The following VRK3 variants were observed in gnomAD, a reference collection of about 807,000 sequenced individuals.
VRK3 encodes the protein VRK serine/threonine kinase 3.
Under a neutral mutation model 60.4 loss-of-function variants are expected in VRK3, and 50 were observed. The ratio of observed to expected loss-of-function variants is 0.83; its 90% CI spans 0.66 to 1.05. VRK3 has a LOEUF of 1.05. Among genes scored for constraint, VRK3 ranks in the 50% least tolerant of loss-of-function variants. The probability of loss-of-function intolerance (pLI) is 0.00; values close to 1 mark genes in which losing one functional copy is unlikely to be tolerated. For synonymous variants in VRK3, 246 were observed against 227.8 expected (o/e 1.08, Z -0.72); for missense variants, 549 against 585.3 (o/e 0.94, Z 0.64).
At chr19:49,992,205 C>T (rs1338025920) in intron 10 of VRK3, among the ~76,000 whole-genome samples, 2 of 152,112 alleles carry the variant, frequency 1.3e-5, no homozygotes, top group Non-Finnish European at 2.9e-5. Flanking sequence ...GTCAGGAGTT[C>T]GAGGCCAGCC....
At position 49,997,572 on chromosome 19, in the gene VRK3, T is replaced by C; in HGVS notation, c.613-2A>G. 6.2e-7 allele frequency: 1 copy of C among 1,613,920 alleles called. No individual in the cohort carries two copies. The highest frequency in any genetic ancestry group is 8.5e-7 in the Non-Finnish European group (1 of 1,179,886). ...GAACAAGCGCCCATCCTTGGCATCCTGGTGGGGGACAGGAGGGGCAGAAGG... is the reference window on the plus strand; with the variant it reads ...GAACAAGCGCCCATCCTTGGCATCCCGGTGGGGGACAGGAGGGGCAGAAGG... On this transcript the variant is annotated splice_acceptor_variant, in intron 6 of 14. Coordinates refer to ENST00000316763, the MANE Select transcript of VRK3 (RefSeq NM_016440.4). LOFTEE classifies it high-confidence loss of function.
intron 6 of VRK3, 125 bp downstream of exon 6, chr19:50,000,662 ACTC>A: frequency 9.0e-7 from 1 of 1,111,538 alleles, no homozygotes; most frequent in South Asian, 1.4e-5. Context: ...CGGTCTTAAT[ACTC>A]CTTGCAGGTG....
chr19:49,987,693 C>G (rs982775489), intron 12 of VRK3: 2 of 140,750 alleles, frequency 1.4e-5, no homozygotes, highest in Admixed American at 1.4e-4. Context: ...TTCCCACACA[C>G]AATGAGCTTT....
chr19:49,992,168 G>A (rs2076622894), intron 10 of VRK3, among the ~76,000 whole-genome samples: 1 of 152,192 alleles, frequency 6.6e-6, no homozygotes, highest in Non-Finnish European at 1.5e-5. Context: ...AGCACCTTGG[G>A]AGGCAAAGGC....
intron 12 of VRK3, 113 bp downstream of exon 12, chr19:49,988,259 C>T: frequency 6.8e-7 from 1 of 1,479,434 alleles, no homozygotes; most frequent in Non-Finnish European, 9.0e-7. Context: ...GACTTGGGCT[C>T]TGCTGGATGC....
intron 3 of VRK3, among the ~76,000 whole-genome samples, chr19:50,011,444 C>T (rs1392741419): frequency 1.3e-5 from 2 of 152,210 alleles, no homozygotes; most frequent in Admixed American, 6.5e-5. Context: ...GGTCCCTGGG[C>T]TACTGGAATG....
intron 5 of VRK3, among the ~76,000 whole-genome samples, chr19:50,004,503 C>A (rs191294076): frequency 7.2e-4 from 110 of 152,326 alleles, no homozygotes; most frequent in Middle Eastern, 3.4e-3. Context: ...TACTTCCAGG[C>A]TGTGTGCCCT....
intron 9 of VRK3, among the ~76,000 whole-genome samples, chr19:49,993,691 C>T (rs575562958): frequency 2.0e-5 from 3 of 152,272 alleles, no homozygotes; most frequent in South Asian, 2.1e-4. Context: ...TGAGCTGCTG[C>T]GCCCGGCCAA....
intron 11 of VRK3, 147 bp from the exon 12 acceptor site, chr19:49,988,639 T>A (rs1186381985): frequency 3.2e-5 from 35 of 1,083,516 alleles, no homozygotes; most frequent in Non-Finnish European, 4.3e-5. Context: ...TCTCCTCCGC[T>A]CATTCACTTT....
Position 49,994,862 on chromosome 19 carries a change from T to C in VRK3, c.822A>G (p.Pro274=). 6.2e-7 allele frequency: 1 copy of C among 1,614,146 alleles called. No homozygotes were observed. The change falls in exon 9 of 15, where the codon CCA becomes CCG. Residue 274 remains proline (P), a synonymous_variant. Coordinates refer to ENST00000316763, the MANE Select transcript of VRK3 (RefSeq NM_016440.4). ...RSLQSALDVS[P]KHVLSERSVL... is the part of the protein sequence containing the mutation. ...CAGACCTCTCTGACAGCACATGCTT[T>C]GGGCTGACATCCAGGGCCGACTGAA... is the stretch of plus-strand genomic sequence containing the variant.
chr19:50,000,889 C>T (rs2076793456), intron 5 of VRK3, 35 bp from the exon 6 acceptor site: 2 of 1,600,502 alleles, frequency 1.2e-6, no homozygotes, highest in Non-Finnish European at 1.7e-6. Flanking sequence ...GAGGTTATAA[C>T]CACGCGGAAG....
chr19:50,010,050 A>T (rs1008708741), intron 3 of VRK3, among the ~76,000 whole-genome samples: 4 of 148,100 alleles, frequency 2.7e-5, no homozygotes, highest in African/African-American at 1.0e-4. Flanking sequence ...TAATTATTTT[A>T]TATATATATA....
intron 3 of VRK3, among the ~76,000 whole-genome samples, chr19:50,013,032 T>C (rs1458179250): frequency 6.6e-6 from 1 of 151,338 alleles, no homozygotes; most frequent in Non-Finnish European, 1.5e-5. Context: ...CTGGGCGTGG[T>C]GGTGGGCGCC....
chr19:49,992,209 G>C (rs1013281533), intron 10 of VRK3, among the ~76,000 whole-genome samples: 1 of 152,114 alleles, frequency 6.6e-6, no homozygotes. Context: ...GGAGTTCGAG[G>C]CCAGCCTGAC....
chr19:49,981,613 A>G (rs1233995571), intron 12 of VRK3: 8 of 697,456 alleles, frequency 1.1e-5, no homozygotes, highest in African/African-American at 3.9e-5. Context: ...ATCTTATGTA[A>G]TAAGTATTGT....
At chr19:49,997,803 G>A in intron 6 of VRK3, 1 of 454,432 alleles carries the variant, frequency 2.2e-6, no homozygotes, top group Non-Finnish European at 3.9e-6. Flanking sequence ...GTGTTCCCTA[G>A]AATGTAGCCT....
intron 11 of VRK3, 24 bp downstream of exon 11, chr19:49,989,615 C>T (rs1369856074): frequency 1.9e-6 from 3 of 1,591,862 alleles, no homozygotes; most frequent in Non-Finnish European, 2.6e-6. Context: ...CTCTGCGGTC[C>T]CAAACCCATC....
intron 12 of VRK3, 72 bp from the exon 13 acceptor site, chr19:49,981,085 A>C (rs1267162612): frequency 1.7e-6 from 2 of 1,153,730 alleles, no homozygotes; most frequent in African/African-American, 1.9e-5. Context: ...AGAATGCCTA[A>C]GATATATACA....
intron 2 of VRK3, among the ~76,000 whole-genome samples, chr19:50,017,181 T>C (rs904569647): frequency 2.9e-4 from 44 of 150,952 alleles, no homozygotes; most frequent in African/African-American, 1.0e-3. Flanking sequence ...ACAAGAAGAG[T>C]GAAAACTCTG....
Sources: allele counts gnomAD v4.1 joint callset (sites outside exome capture counted in the v4.1 genomes callset), GRCh38; gene constraint gnomAD v4.1.1; transcripts MANE v1.5; gene names NCBI Gene and HGNC (gene_info 2026-07-23, HGNC 2026-07-21).